The following PCYT1B variants were observed in gnomAD, a reference collection of about 807,000 sequenced individuals.
PCYT1B encodes phosphate cytidylyltransferase 1B, choline.
PCYT1B carries 10 observed loss-of-function variants against 26.4 expected under a neutral mutation model. The observed-to-expected ratio is 0.38, with a 90% CI of 0.23 to 0.64. The LOEUF is 0.64. Ranked by LOEUF, PCYT1B falls within the 30% of genes least tolerant of loss-of-function variation. PCYT1B has a pLI of 0.56. For missense variants in PCYT1B, 161 were observed against 292.7 expected (o/e 0.55, Z 3.28); for synonymous variants, 131 against 108.4 (o/e 1.21, Z -1.29).
At chrX:24,570,123 GT>G (rs1431870603) in intron 7 of PCYT1B, among the ~76,000 whole-genome samples, 1 of 102,399 alleles carries the variant, frequency 9.8e-6, no homozygotes, top group African/African-American at 3.6e-5. Context: ...GGAGGTGGAG[GT>G]TGCAGTGAGC....
chrX:24,608,775 G>T (rs1301931322), intron 2 of PCYT1B, among the ~76,000 whole-genome samples: 1 of 111,959 alleles, frequency 8.9e-6, no homozygotes, highest in African/African-American at 3.2e-5. Flanking sequence ...TCAAGTCAGA[G>T]AGAGAAATTG....
At chrX:24,607,007 C>T (rs61760954) in intron 3 of PCYT1B, among the ~76,000 whole-genome samples, 1 of 112,260 alleles carries the variant, frequency 8.9e-6, no homozygotes, top group Non-Finnish European at 1.9e-5. Context: ...TTATATGCCA[C>T]AAAAACTGAT....
At chrX:24,606,053 C>CAAAAAAAAAAAAAAAAAAAAAAAAAA (rs35072094) in intron 3 of PCYT1B, among the ~76,000 whole-genome samples, 1 of 52,489 alleles carries the variant, frequency 1.9e-5, no homozygotes, top group African/African-American at 7.0e-5. Context: ...GACTCCATCT[C>CAAAAAAAAAAAAAAAAAAAAAAAAAA]AAAAAAAAAA....
At position 24,587,915 on chromosome X, in the gene PCYT1B, G is replaced by A. The variant is rs755908570; in HGVS notation, c.487-596C>T. 5.3e-5 allele frequency among the ~76,000 whole-genome samples: 6 copies of A among 112,454 alleles called. No individual in the cohort carries two copies. The East Asian group carries it at 1.1e-3, about 21-fold the overall frequency. On this transcript the variant is annotated intron_variant, in intron 4 of 7. Coordinates refer to ENST00000379144, the MANE Select transcript of PCYT1B (RefSeq NM_004845.5). ...GCTGGGGCACCAGGCCATGTTTAGC[G>A]GGCTGCCAGGGCACCAGGCCAGGTG...
At chrX:24,617,383 GT>G (rs371528763) in intron 2 of PCYT1B, among the ~76,000 whole-genome samples, 1 of 96,150 alleles carries the variant, frequency 1.0e-5, no homozygotes, top group African/African-American at 3.8e-5. Context: ...TTTTTTTTTT[GT>G]TTGTTTTCTG....
At chrX:24,665,264 G>A (rs1263304659) in intron 1 of PCYT1B, among the ~76,000 whole-genome samples, 1 of 104,273 alleles carries the variant, frequency 9.6e-6, no homozygotes, top group African/African-American at 3.3e-5. Context: ...ACTTTTAAGT[G>A]AGTCCCCATT....
chrX:24,662,138 C>T (rs1927041179), intron 1 of PCYT1B, among the ~76,000 whole-genome samples: 1 of 108,065 alleles, frequency 9.3e-6, no homozygotes, highest in African/African-American at 3.4e-5. Flanking sequence ...CACCGCACTC[C>T]AGCCTGGGCA....
intron 7 of PCYT1B, among the ~76,000 whole-genome samples, chrX:24,573,856 C>T (rs776445276): frequency 9.0e-6 from 1 of 110,974 alleles, no homozygotes; most frequent in Non-Finnish European, 1.9e-5. Context: ...CTTGCCAGCT[C>T]TTTCTAGGAG....
intron 3 of PCYT1B, among the ~76,000 whole-genome samples, chrX:24,606,539 A>G (rs1343233722): frequency 9.0e-6 from 1 of 111,584 alleles, no homozygotes. Context: ...CCTTGGCAAA[A>G]CCTGCAGAAG....
intron 1 of PCYT1B, among the ~76,000 whole-genome samples, chrX:24,622,853 T>C (rs1397231647): frequency 8.9e-6 from 1 of 111,835 alleles, no homozygotes; most frequent in Non-Finnish European, 1.9e-5. Flanking sequence ...GAAAAGGGGA[T>C]ACATGATTTC....
At chrX:24,662,519 C>A (rs1472741285) in intron 1 of PCYT1B, among the ~76,000 whole-genome samples, 1 of 111,824 alleles carries the variant, frequency 8.9e-6, no homozygotes, top group Admixed American at 9.5e-5. Context: ...AAAGGCTTGA[C>A]GTGCAGCTCA....
At chrX:24,672,077 G>A (rs1927266951) in intron 1 of PCYT1B, among the ~76,000 whole-genome samples, 3 of 111,857 alleles carry the variant, frequency 2.7e-5, no homozygotes, top group African/African-American at 9.7e-5. Context: ...CAGGAGAATC[G>A]CTTGAACCCG....
At chrX:24,613,406 ATAC>A (rs1925371063) in intron 2 of PCYT1B, among the ~76,000 whole-genome samples, 1 of 112,131 alleles carries the variant, frequency 8.9e-6, no homozygotes, top group Non-Finnish European at 1.9e-5. Flanking sequence ...CTAGCTAATG[ATAC>A]TATTTTCTGT....
chrX:24,663,696 G>A (rs1927071516), intron 1 of PCYT1B, among the ~76,000 whole-genome samples: 1 of 111,369 alleles, frequency 9.0e-6, no homozygotes, highest in Admixed American at 9.6e-5. Context: ...TGGGGGGGAT[G>A]ACTTGAGGTC....
At chrX:24,646,514 CG>C (rs2148273471) in intron 1 of PCYT1B, among the ~76,000 whole-genome samples, 1 of 111,259 alleles carries the variant, frequency 9.0e-6, no homozygotes, top group African/African-American at 3.3e-5. Flanking sequence ...CATTTTCAAA[CG>C]GATGGGGAAG....
At chrX:24,562,600 A>G in intron 7 of PCYT1B, 95 bp from the exon 8 acceptor site, 1 of 736,316 alleles carries the variant, frequency 1.4e-6, no homozygotes, top group Non-Finnish European at 2.0e-6. Flanking sequence ...CCACTACCCC[A>G]AAACTCCTGA....
At chrX:24,651,454 C>CAAAAA (rs1188690484), upstream of PCYT1B, among the ~76,000 whole-genome samples, 21 of 11,065 alleles carry the variant, frequency 1.9e-3, 3 homozygotes, top group Non-Finnish European at 3.6e-3. Context: ...GATGCCATCT[C>CAAAAA]AAAAAAAAAA....
chrX:24,599,621 G>A (rs1239146968), intron 3 of PCYT1B, among the ~76,000 whole-genome samples: 1 of 111,397 alleles, frequency 9.0e-6, no homozygotes, highest in Admixed American at 9.6e-5. Context: ...GGTTAGTTAT[G>A]CTCTAATTTA....
In PCYT1B at chrX:24,658,780, T is replaced by G. The variant is rs144093141; in HGVS notation, c.63+13790A>C. On this transcript the variant is annotated intron_variant, in intron 1 of 7. Transcript: ENST00000379145. ...GTCTCTTTTGCCATATAAGGTAACATATTCACAGGTTCTGGAAATTACAAT... is the reference window on the plus strand; with the variant it reads ...GTCTCTTTTGCCATATAAGGTAACAGATTCACAGGTTCTGGAAATTACAAT... Among the ~76,000 whole-genome samples the G allele has an allele frequency of 3.6e-4, 40 of 112,069 alleles. No individual in the cohort carries two copies. In the East Asian group the frequency reaches 0.01, roughly 28 times the overall value.
Sources: gnomAD v4.1 joint callset for allele counts (sites outside exome capture counted in the v4.1 genomes callset) on GRCh38, gnomAD v4.1.1 for gene constraint, MANE v1.5 for transcripts, NCBI Gene and HGNC (gene_info 2026-07-23, HGNC 2026-07-21) for gene names.